The following ZNF804B variants were observed in gnomAD, a reference collection of about 807,000 sequenced individuals.
ZNF804B encodes the protein zinc finger 804B.
A neutral mutation model predicts 101.4 loss-of-function variants in ZNF804B; 80 were observed. That is an observed-to-expected ratio of 0.79 (90% CI 0.66 to 0.95). The LOEUF is 0.95. Ranked by LOEUF, ZNF804B falls within the 40% of genes least tolerant of loss-of-function variation. ZNF804B has a pLI of 0.00. For synonymous variants in ZNF804B, 622 were observed against 558.8 expected (o/e 1.11, Z -1.59); for missense variants, 1,673 against 1,561.9 (o/e 1.07, Z -1.20).
At chr7:88,986,529 A>G (rs1051147528) in intron 1 of ZNF804B, among the ~76,000 whole-genome samples, 2 of 152,104 alleles carry the variant, frequency 1.3e-5, no homozygotes, top group East Asian at 3.9e-4. Flanking sequence ...ATCTGGTAAA[A>G]ATAAACTGTA....
rs397890188 is a variant in ZNF804B at position 89,168,705 on chromosome 7, T to TC, written c.109-49450_109-49449insC. 2.0e-5 allele frequency among the ~76,000 whole-genome samples: 3 copies of TC among 147,814 alleles called. No individual in the cohort carries two copies. In the South Asian group the frequency reaches 6.4e-4, roughly 32 times the overall value. On this transcript the variant is annotated intron_variant, in intron 1 of 3. Transcript: ENST00000333190. ...TACTTTTTTTTTTTTTTTTTTTTTT[T>TC]GCACGGGCCTGCTCATGCTCAAAGT...
chr7:88,822,761 C>T (rs553772911), intron 1 of ZNF804B, among the ~76,000 whole-genome samples: 1 of 152,260 alleles, frequency 6.6e-6, no homozygotes, highest in South Asian at 2.1e-4. Flanking sequence ...TAAGCAAACA[C>T]AATTTAAATT....
chr7:89,237,913 C>A (rs765051795), intron 2 of ZNF804B, among the ~76,000 whole-genome samples: 1 of 152,030 alleles, frequency 6.6e-6, no homozygotes, highest in Non-Finnish European at 1.5e-5. Flanking sequence ...AGTTTAAAAC[C>A]ATTTACCAAG....
chr7:88,869,536 A>G (rs1417133345), intron 1 of ZNF804B, among the ~76,000 whole-genome samples: 3 of 152,208 alleles, frequency 2.0e-5, no homozygotes, highest in Non-Finnish European at 4.4e-5. Flanking sequence ...AGATAGGGGA[A>G]TTAACAGCAA....
At chr7:89,264,299 G>T (rs1789751964) in intron 2 of ZNF804B, among the ~76,000 whole-genome samples, 1 of 152,154 alleles carries the variant, frequency 6.6e-6, no homozygotes, top group African/African-American at 2.4e-5. Context: ...CTTCTGCTCT[G>T]GATTCTGTCT....
At chr7:89,270,730 C>G (rs1043365898) in intron 2 of ZNF804B, among the ~76,000 whole-genome samples, 1 of 152,104 alleles carries the variant, frequency 6.6e-6, no homozygotes, top group Non-Finnish European at 1.5e-5. Flanking sequence ...TTTGTGTCCT[C>G]TTTTATTTCG....
chr7:89,247,453 A>G (rs189601257), intron 2 of ZNF804B, among the ~76,000 whole-genome samples: 73 of 152,318 alleles, frequency 4.8e-4, no homozygotes, highest in Admixed American at 4.8e-3. Flanking sequence ...ACAGAGCCCA[A>G]TATTCAACTG....
intron 1 of ZNF804B, among the ~76,000 whole-genome samples, chr7:88,854,717 TA>T (rs1440399318): frequency 8.0e-5 from 12 of 149,992 alleles, no homozygotes; most frequent in African/African-American, 2.9e-4. Context: ...ACTCATCATT[TA>T]ACATTAGGTA....
Position 89,093,278 on chromosome 7 carries a change from G to T in ZNF804B, c.109-124877G>T, listed in dbSNP as rs139688846. Reference sequence around the variant, plus strand: ...ACCTTATCAATTAGAGTATAGTGCTGTGTATACTACCTTGTGCCTTTTGTC... The same window carrying T: ...ACCTTATCAATTAGAGTATAGTGCTTTGTATACTACCTTGTGCCTTTTGTC... On this transcript the variant is annotated intron_variant, in intron 1 of 3. Coordinates refer to ENST00000333190, the MANE Select transcript of ZNF804B (RefSeq NM_181646.5). 5.4e-3 allele frequency among the ~76,000 whole-genome samples: 825 copies of T among 152,284 alleles called. 1 individual carries two copies. Among genetic ancestry groups the T allele is most frequent in the Non-Finnish European group, 8.3e-3 (567 of 68,026 alleles).
chr7:89,314,600 G>T (rs536438561), intron 2 of ZNF804B, among the ~76,000 whole-genome samples: 1 of 152,086 alleles, frequency 6.6e-6, no homozygotes, highest in Admixed American at 6.6e-5. Flanking sequence ...CTATGCAAAC[G>T]ATTTACTTTT....
At chr7:88,895,039 A>G (rs1283349233) in intron 1 of ZNF804B, among the ~76,000 whole-genome samples, 1 of 152,222 alleles carries the variant, frequency 6.6e-6, no homozygotes, top group Non-Finnish European at 1.5e-5. Flanking sequence ...GACAAAAACT[A>G]TTAAAATGTA....
intron 1 of ZNF804B, among the ~76,000 whole-genome samples, chr7:89,124,731 G>A (rs1562890744): frequency 3.3e-5 from 5 of 152,130 alleles, no homozygotes; most frequent in African/African-American, 4.8e-5. Flanking sequence ...AAGGGTTGTA[G>A]GTAAAGGTCA....
chr7:88,972,367 T>C (rs1793551792), intron 1 of ZNF804B, among the ~76,000 whole-genome samples: 1 of 151,512 alleles, frequency 6.6e-6, no homozygotes, highest in Admixed American at 6.6e-5. Flanking sequence ...ATACCCAATT[T>C]ATTTTATTAT....
At position 89,158,537 on chromosome 7, in the gene ZNF804B, C is replaced by T. The variant is rs541944650; in HGVS notation, c.109-59618C>T. On this transcript the variant is annotated intron_variant, in intron 1 of 3. Coordinates refer to ENST00000333190, the MANE Select transcript of ZNF804B (RefSeq NM_181646.5). ...TCTTGTTTTCTAACTGGTGTATCTGCTTCACCCTTACCTAATTTATTTTTA... is the reference window on the plus strand; with the variant it reads ...TCTTGTTTTCTAACTGGTGTATCTGTTTCACCCTTACCTAATTTATTTTTA... Among the ~76,000 whole-genome samples the T allele has an allele frequency of 1.2e-4, 19 of 152,148 alleles. No individual in the cohort carries two copies. The South Asian group carries it at 3.7e-3, about 30-fold the overall frequency.
chr7:88,863,534 G>A (rs893384754), intron 1 of ZNF804B, among the ~76,000 whole-genome samples: 4 of 151,812 alleles, frequency 2.6e-5, no homozygotes, highest in Non-Finnish European at 4.4e-5. Context: ...TTTTTTTAAC[G>A]AAGTTTATAG....
At chr7:89,115,506 A>C (rs187652711) in intron 1 of ZNF804B, among the ~76,000 whole-genome samples, 1 of 152,328 alleles carries the variant, frequency 6.6e-6, no homozygotes, top group African/African-American at 2.4e-5. Flanking sequence ...AGGGTCATAC[A>C]GTGGAGAAGA....
chr7:88,942,880 C>T (rs1793075507), intron 1 of ZNF804B, among the ~76,000 whole-genome samples: 1 of 151,698 alleles, frequency 6.6e-6, no homozygotes, highest in Non-Finnish European at 1.5e-5. Flanking sequence ...TATAGCAGAC[C>T]TCATTTATAG....
chr7:89,121,693 A>G (rs1790408156), intron 1 of ZNF804B, among the ~76,000 whole-genome samples: 1 of 152,204 alleles, frequency 6.6e-6, no homozygotes, highest in Admixed American at 6.5e-5. Flanking sequence ...TTAATAAAGA[A>G]TCTAAAGATT....
At chr7:88,936,077 T>A (rs1253374763) in intron 1 of ZNF804B, among the ~76,000 whole-genome samples, 1 of 146,450 alleles carries the variant, frequency 6.8e-6, no homozygotes, top group Admixed American at 6.9e-5. Flanking sequence ...CCCTTCTCTC[T>A]CCTTCCTTCC....
Sources: gnomAD v4.1 joint callset for allele counts (sites outside exome capture counted in the v4.1 genomes callset) on GRCh38, gnomAD v4.1.1 for gene constraint, MANE v1.5 for transcripts, NCBI Gene and HGNC (gene_info 2026-07-23, HGNC 2026-07-21) for gene names.